Variants in COL6A3 observed in about 807,000 individuals in gnomAD.
The protein encoded by COL6A3 is collagen type VI alpha 3 chain.
In COL6A3, 137 loss-of-function variants were observed where a neutral mutation model predicts 274.1. The ratio of observed to expected loss-of-function variants is 0.50; its 90% confidence interval spans 0.44 to 0.58. The LOEUF (loss-of-function observed/expected upper bound fraction) is 0.58. Ranked by LOEUF, COL6A3 falls within the 20% of genes least tolerant of loss-of-function variation. The probability of loss-of-function intolerance (pLI) is 0.00; values close to 1 mark genes in which losing one functional copy is unlikely to be tolerated. For missense variants in COL6A3, 3,950 were observed against 4,124.9 expected (o/e 0.96, Z 1.16); for synonymous variants, 1,650 against 1,650.6 (o/e 1.00, Z 0.01).
In COL6A3 at chr2:237,336,180, C is replaced by T. The variant is rs727502837; in HGVS notation, c.8920G>A (p.Ala2974Thr). ...GGCTTGGTGGCAGCTGGTTTGGCTG[C>T]CTGTGGCCTAGGGACCTCAGGCTTG... is the stretch of plus-strand genomic sequence containing the variant. The part of the protein sequence containing the change: ...ATKPEVPRPQ[A>T]AKPAATKPAT... Residue 2974 changes from alanine to threonine, a missense_variant, in exon 40 of 44, where the codon GCA becomes ACA. By Grantham distance (58) the Ala-to-Thr change is moderately conservative. This residue lies in a region of COL6A3 where 1,284 missense variants were observed against 1,349.7 expected (regional missense o/e 0.95). Coordinates refer to ENST00000295550, the MANE Select transcript of COL6A3 (RefSeq NM_004369.4). 7 of 1,613,458 alleles carry T rather than the reference C, an allele frequency of 4.3e-6. No individual in the cohort carries two copies. In the African/African-American group the frequency reaches 5.3e-5, roughly 12 times the overall value.
chr2:237,402,584 G>A (rs2078619209), intron 1 of COL6A3, among the ~76,000 whole-genome samples: 1 of 152,164 alleles, frequency 6.6e-6, no homozygotes, highest in South Asian at 2.1e-4. Flanking sequence ...GTGTCTACAT[G>A]CCGCTGTATT....
At chr2:237,350,117 A>G in intron 28 of COL6A3, 30 bp downstream of exon 28, 1 of 1,611,538 alleles carries the variant, frequency 6.2e-7, no homozygotes, top group Non-Finnish European at 8.5e-7. Flanking sequence ...AGTCAGCGAC[A>G]GCCTGACCCC....
chr2:237,402,750 C>T (rs2078623494), intron 1 of COL6A3, among the ~76,000 whole-genome samples: 2 of 152,168 alleles, frequency 1.3e-5, no homozygotes, highest in Admixed American at 1.3e-4. Flanking sequence ...CTGGTGCAAA[C>T]ATGGCTTCTG....
chr2:237,344,336 C>T lies in COL6A3; in HGVS notation c.7668+14G>A, dbSNP rs772767158. On this transcript the variant is annotated intron_variant, in intron 36 of 43. Coordinates refer to ENST00000295550, the MANE Select transcript of COL6A3 (RefSeq NM_004369.4). The surrounding 1 kb of genome is among the most constrained non-coding windows in gnomAD (Gnocchi z 4.8). ...AAGAAAGGGAGATGCCAACAGCACG[C>T]ACAGAGCACAGACCTGCAAAGCGTT... is the stretch of plus-strand genomic sequence containing the variant. 131 of 1,614,056 alleles carry T rather than the reference C, an allele frequency of 8.1e-5. No homozygotes were observed. The highest frequency in any genetic ancestry group is 1.1e-4 in the Non-Finnish European group (129 of 1,180,040).
chr2:237,371,666 C>A lies in COL6A3; in HGVS notation c.4285+66G>T. The A allele has an allele frequency of 6.5e-7, 1 of 1,527,776 alleles. No individual in the cohort carries two copies. Among genetic ancestry groups the A allele is most frequent in the Non-Finnish European group, 8.8e-7 (1 of 1,141,260 alleles). 94.6% of individuals were successfully genotyped at this position (1,527,776 alleles called of 1,614,324 possible). A position where few individuals can be genotyped will look rare whatever the true frequency, so the allele number is the denominator to read the frequency against. ...ATTTAATTTATTATGAGTACCATGG[C>A]CTTTGAGCCTGTTATTTTTCATATG... On this transcript the variant is annotated intron_variant, in intron 9 of 43. Transcript: ENST00000295550. The surrounding 1 kb of genome is among the most constrained non-coding windows in gnomAD (Gnocchi z 4.3).
At chr2:237,351,638 G>C (rs3790996) in intron 26 of COL6A3, among the ~76,000 whole-genome samples, 89,729 of 151,998 alleles carry the variant, frequency 0.59, 26,754 homozygotes, top group East Asian at 0.67. Flanking sequence ...TACAGTCTAC[G>C]CAACCCACAA....
intron 36 of COL6A3, chr2:237,342,487 A>T (rs1002229231): frequency 3.0e-6 from 1 of 334,786 alleles, no homozygotes; most frequent in African/African-American, 2.1e-5. Context: ...TAACTGGTGT[A>T]TCCTCTGGCA....
At chr2:237,328,452 G>C (rs1700062984) in intron 42 of COL6A3, 1 of 152,176 alleles carries the variant, frequency 6.6e-6, no homozygotes, top group African/African-American at 2.4e-5. Context: ...GAGTGGATGT[G>C]CATGTGCGAT....
Position 237,340,609 on chromosome 2 carries a change from G to C in COL6A3, c.8307C>G (p.Phe2769Leu). ...CCTTCCTGCCAATGCCCAGGACCAC[G>C]AAGAAGTAGCCCTTGCATTTGGCCT... ...ILQAKCKGYF[F>L]VVLGIGRKVN... Residue 2769 changes from phenylalanine to leucine, a missense_variant, in exon 38 of 44, where the codon TTC becomes TTG. Around this residue, in one of 5 missense-constraint regions of COL6A3, gnomAD observed 1,284 missense variants for 1,349.7 expected, o/e 0.95. Transcript: ENST00000295550. 6.2e-7 allele frequency: 1 copy of C among 1,614,188 alleles called. No individual in the cohort carries two copies. Among genetic ancestry groups the C allele is most frequent in the Non-Finnish European group, 8.5e-7 (1 of 1,180,032 alleles).
In COL6A3 at chr2:237,371,615, G is replaced by T. The variant is rs774963028; in HGVS notation, c.4285+117C>A. 2.0e-6 allele frequency: 3 copies of T among 1,493,866 alleles called. No homozygotes were observed. Among genetic ancestry groups the T allele is most frequent in the South Asian group, 1.4e-5 (1 of 69,324 alleles). 92.5% of individuals were successfully genotyped at this position (1,493,866 alleles called of 1,614,324 possible). ...CCTGTCTCAAAATAAAAACCATAAA[G>T]GTAAGGGCATACAACCTTTATTTTA... is the stretch of plus-strand genomic sequence containing the variant. On this transcript the variant is annotated intron_variant, in intron 9 of 43. Transcript: ENST00000295550. This position sits in a 1 kb window ranked among gnomAD's most constrained non-coding sequence, Gnocchi z 4.3.
chr2:237,376,333 T>C (rs2077839407), intron 7 of COL6A3, among the ~76,000 whole-genome samples: 1 of 152,232 alleles, frequency 6.6e-6, no homozygotes, highest in Non-Finnish European at 1.5e-5. Context: ...ATCTACCTCT[T>C]CTACTCCTTT....
At chr2:237,334,352 C>T (rs146244671) in intron 41 of COL6A3, among the ~76,000 whole-genome samples, 1 of 152,282 alleles carries the variant, frequency 6.6e-6, no homozygotes, top group Non-Finnish European at 1.5e-5. Flanking sequence ...AAGGGCTGTG[C>T]TCAGGCGACG....
At chr2:237,373,813 G>A (rs79554902) in intron 8 of COL6A3, among the ~76,000 whole-genome samples, 1 of 152,022 alleles carries the variant, frequency 6.6e-6, no homozygotes, top group Admixed American at 6.6e-5. Flanking sequence ...CCATTTTTTA[G>A]TTTATTGTAC....
intron 42 of COL6A3, chr2:237,328,402 C>T (rs557026628): frequency 1.3e-5 from 2 of 152,262 alleles, no homozygotes; most frequent in South Asian, 4.1e-4. Flanking sequence ...CGCAAGGCAC[C>T]CTAAGCCCCA....
chr2:237,352,693 CA>C, intron 25 of COL6A3, 109 bp from the exon 26 acceptor site: 7 of 1,022,564 alleles, frequency 6.8e-6, no homozygotes, highest in Non-Finnish European at 7.5e-6. Context: ...TTCTGCTGGC[CA>C]AAAACGGCCA....
At chr2:237,334,542 T>C in intron 41 of COL6A3, 84 bp downstream of exon 41, 2 of 1,446,806 alleles carry the variant, frequency 1.4e-6, no homozygotes, top group Non-Finnish European at 9.6e-7. Flanking sequence ...TCAGAATAGA[T>C]TCAATAAGTA....
rs1559279697 is a variant in COL6A3 at position 237,394,947 on chromosome 2, G to C, written c.349C>G (p.Gln117Glu). The part of the protein sequence containing the change: ...SNMSYIGGTN[Q>E]TGKGLEYIMQ... ...ATGTATTCTAATCCTTTTCCAGTCT[G>C]ATTGGTTCCCCCAATATAAGACATG... The change falls in exon 3 of 44, where the codon CAG becomes GAG. Residue 117 changes from glutamine (Q) to glutamate (E), a missense_variant. By Grantham distance (29) the Gln-to-Glu change is conservative. Around this residue, in one of 5 missense-constraint regions of COL6A3, gnomAD observed 1,934 missense variants for 1,984.3 expected, o/e 0.97. Transcript: ENST00000295550. 6.2e-7 allele frequency: 1 copy of C among 1,613,930 alleles called. No homozygotes were observed. Among genetic ancestry groups the C allele is most frequent in the South Asian group, 1.1e-5 (1 of 91,064 alleles).
In COL6A3 at chr2:237,371,861, CG is replaced by C; in HGVS notation, c.4155del (p.Glu1386AsnfsTer6). 3 of 1,613,472 alleles carry C rather than the reference CG, an allele frequency of 1.9e-6. No homozygotes were observed. The highest frequency in any genetic ancestry group is 1.7e-6 in the Non-Finnish European group (2 of 1,180,000). On this transcript the variant is annotated frameshift_variant, in exon 9 of 44. Transcript: ENST00000295550. LOFTEE classifies it high-confidence loss of function. The surrounding 1 kb of genome is among the most constrained non-coding windows in gnomAD (Gnocchi z 4.3). ...AAGGTGCTCACCGAGAACACATATT[CG>C]GGGCTCAGCGAGATCTTCACCAGCT... ...QEELVKISLS[P>X]EYVFSVSTFR...
Position 237,336,461 on chromosome 2 carries a change from G to A in COL6A3, c.8639C>T (p.Thr2880Met), listed in dbSNP as rs770436761. 28 of 1,614,044 alleles carry A rather than the reference G, an allele frequency of 1.7e-5. No homozygotes were observed. Among genetic ancestry groups the A allele is most frequent in the African/African-American group, 2.7e-5 (2 of 74,928 alleles). The change falls in exon 40 of 44, where the codon ACG (threonine) becomes ATG (methionine). Residue 2880 changes from threonine (T) to methionine (M), a missense_variant. Physicochemically the swap from Thr to Met is moderately conservative, Grantham distance 81 (BLOSUM62 -1). Transcript: ENST00000295550. ...PVTTTKPVTT[T>M]KPVTTTTKPV... ...CTTTGTTGTGGTGGTCACCGGCTTC[G>A]TCGTAGTCACCGGCTTCGTTGTCGT...
Sources: gnomAD v4.1 joint callset for allele counts (sites outside exome capture counted in the v4.1 genomes callset) on GRCh38, gnomAD v4.1.1 for gene constraint, gnomAD v4.1.1 regional missense constraint, Gnocchi (gnomAD v3.1) non-coding constraint, MANE v1.5 for transcripts, NCBI Gene and HGNC (gene_info 2026-07-23, HGNC 2026-07-21) for gene names.